AFF2: variants seen among roughly 807,000 people sequenced by gnomAD.
AFF2 encodes AF4/FMR2 family member 2.
In AFF2, 14 loss-of-function variants were observed where a neutral mutation model predicts 76.9. That is an observed-to-expected ratio of 0.18 (90% CI 0.12 to 0.28). The LOEUF is 0.28. AFF2 is among the 10% of genes least tolerant of loss of function. The pLI is 1.00. For missense variants in AFF2, 868 were observed against 1,001.1 expected (o/e 0.87, Z 1.79); for synonymous variants, 398 against 366.7 (o/e 1.09, Z -0.98).
chrX:148,690,911 T>C (rs1436006801), intron 3 of AFF2, among the ~76,000 whole-genome samples: 6 of 111,609 alleles, frequency 5.4e-5, no homozygotes, highest in Non-Finnish European at 1.1e-4. Flanking sequence ...ATGGCCACAT[T>C]CTCCCCATGT....
At chrX:148,850,678 G>A (rs1397808373) in intron 7 of AFF2, among the ~76,000 whole-genome samples, 1 of 112,369 alleles carries the variant, frequency 8.9e-6, no homozygotes, top group Non-Finnish European at 1.9e-5. Context: ...CTTTTCATGT[G>A]CACAGTGAAT....
At chrX:148,771,938 C>A (rs2069593096) in intron 3 of AFF2, among the ~76,000 whole-genome samples, 1 of 111,312 alleles carries the variant, frequency 9.0e-6, no homozygotes, top group East Asian at 2.8e-4. Flanking sequence ...GACGAGACCC[C>A]AGTTTGAAAT....
At chrX:148,939,696 C>G (rs2124317912) in intron 9 of AFF2, among the ~76,000 whole-genome samples, 2 of 112,142 alleles carry the variant, frequency 1.8e-5, no homozygotes, top group East Asian at 5.6e-4. Context: ...AATGTTTTCA[C>G]TTCTTAGCCA....
intron 1 of AFF2, among the ~76,000 whole-genome samples, chrX:148,558,338 T>A (rs1297161930): frequency 7.2e-5 from 8 of 111,440 alleles, no homozygotes; most frequent in African/African-American, 2.3e-4. Context: ...CGGGCTAAAA[T>A]CAATGAGGTT....
intron 3 of AFF2, among the ~76,000 whole-genome samples, chrX:148,758,985 G>A (rs781951247): frequency 3.4e-4 from 38 of 111,911 alleles, no homozygotes; most frequent in African/African-American, 1.2e-3. Flanking sequence ...TGTTGGCCAG[G>A]CTGGTCTTGA....
intron 8 of AFF2, among the ~76,000 whole-genome samples, chrX:148,890,236 A>G (rs139503950): frequency 9.8e-5 from 11 of 112,211 alleles, no homozygotes; most frequent in Middle Eastern, 4.6e-3. Context: ...CTCAAATACT[A>G]GCTGTATACT....
chrX:148,813,856 G>T (rs1557271965), intron 4 of AFF2, among the ~76,000 whole-genome samples: 1 of 111,964 alleles, frequency 8.9e-6, no homozygotes, highest in Non-Finnish European at 1.9e-5. Context: ...GTAGTTTTTT[G>T]AACAAACTAG....
intron 1 of AFF2, among the ~76,000 whole-genome samples, chrX:148,594,903 G>A (rs951992148): frequency 8.9e-6 from 1 of 111,855 alleles, no homozygotes; most frequent in Non-Finnish European, 1.9e-5. Context: ...TACTTTTCTG[G>A]AAACATGGAT....
intron 8 of AFF2, among the ~76,000 whole-genome samples, chrX:148,891,953 T>C (rs1447848990): frequency 1.8e-5 from 2 of 112,085 alleles, no homozygotes; most frequent in Non-Finnish European, 3.8e-5. Flanking sequence ...ACATTTGATA[T>C]GACTGAAAAT....
chrX:148,769,224 G>A (rs782417230), intron 3 of AFF2, among the ~76,000 whole-genome samples: 4 of 111,726 alleles, frequency 3.6e-5, no homozygotes, highest in Admixed American at 9.5e-5. Context: ...TACTATAGAA[G>A]TCTTTACAAT....
chrX:148,861,336 G>C (rs1386206021), intron 7 of AFF2, among the ~76,000 whole-genome samples: 1 of 112,017 alleles, frequency 8.9e-6, no homozygotes, highest in Admixed American at 9.5e-5. Flanking sequence ...ATGTGTATGT[G>C]TGAGGCAAAA....
At chrX:148,676,616 A>C in intron 3 of AFF2, among the ~76,000 whole-genome samples, 2 of 112,247 alleles carry the variant, frequency 1.8e-5, no homozygotes, top group South Asian at 7.5e-4. Context: ...CTCTTTAAGC[A>C]GACAAAGAAT....
At chrX:148,620,599 A>G (rs1226205818) in intron 1 of AFF2, among the ~76,000 whole-genome samples, 1 of 110,412 alleles carries the variant, frequency 9.1e-6, no homozygotes. Flanking sequence ...TGGAAAAGAC[A>G]TTCTCATCAG....
At chrX:148,608,552 G>C (rs1334461230) in intron 1 of AFF2, among the ~76,000 whole-genome samples, 2 of 109,321 alleles carry the variant, frequency 1.8e-5, no homozygotes, top group African/African-American at 3.3e-5. Context: ...GTCTCACTCT[G>C]TCACCCTAGC....
chrX:148,758,618 TATC>T (rs1322400137), intron 3 of AFF2, among the ~76,000 whole-genome samples: 1 of 111,878 alleles, frequency 8.9e-6, no homozygotes, highest in Non-Finnish European at 1.9e-5. Flanking sequence ...CATTTTCACT[TATC>T]ATTAATTTTT....
At chrX:148,858,074 T>C (rs1557276070) in intron 7 of AFF2, among the ~76,000 whole-genome samples, 2 of 111,557 alleles carry the variant, frequency 1.8e-5, no homozygotes, top group African/African-American at 3.2e-5. Context: ...TTTTTTAGTC[T>C]AATTCCAATA....
At position 148,966,677 on chromosome X, in the gene AFF2, C is replaced by CTTTT. The variant is rs111499310; in HGVS notation, c.2914-101_2914-98dup. On this transcript the variant is annotated intron_variant, in intron 13 of 20. Coordinates refer to ENST00000370460, the MANE Select transcript of AFF2 (RefSeq NM_002025.4). ...TCAAGCTGTGTGCATTGTTTTCTTT[C>CTTTT]TTTTTTTTTTTTTTTGCCTTCTTTC... The CTTTT allele has an allele frequency of 4.0e-6, 4 of 1,004,637 alleles. No homozygotes were observed. The African/African-American group carries it at 6.4e-5, about 16-fold the overall frequency. 82.8% of individuals were successfully genotyped at this position (1,004,637 alleles called of 1,213,427 possible).
chrX:148,980,692 C>CA, intron 18 of AFF2, 46 bp from the exon 19 acceptor site: 1 of 1,061,629 alleles, frequency 9.4e-7, no homozygotes, highest in Non-Finnish European at 1.3e-6. Context: ...TAATAAAACA[C>CA]AAAATAGATG....
intron 7 of AFF2, among the ~76,000 whole-genome samples, chrX:148,851,774 G>A (rs1031059533): frequency 9.1e-6 from 1 of 109,468 alleles, no homozygotes; most frequent in Non-Finnish European, 1.9e-5. Flanking sequence ...TTTTAGGTTT[G>A]GGGGTGCATG....
Sources: gnomAD v4.1 joint callset for allele counts (sites outside exome capture counted in the v4.1 genomes callset) on GRCh38, gnomAD v4.1.1 for gene constraint, MANE v1.5 for transcripts, NCBI Gene and HGNC (gene_info 2026-07-23, HGNC 2026-07-21) for gene names.